The following POT1 variants were observed in gnomAD, a reference collection of about 807,000 sequenced individuals.
POT1 encodes the protein protection of telomeres protein 1.
In POT1, 47 loss-of-function variants were observed where a neutral mutation model predicts 78.5. The observed-to-expected ratio is 0.60, with a 90% CI of 0.47 to 0.76. The LOEUF (loss-of-function observed/expected upper bound fraction) is 0.76, where lower values mean the gene tolerates loss of function less well. Ranked by LOEUF, POT1 falls within the 30% of genes least tolerant of loss-of-function variation. The probability of loss-of-function intolerance (pLI) is 0.00; values close to 1 mark genes in which losing one functional copy is unlikely to be tolerated. For synonymous variants in POT1, 259 were observed against 260.7 expected (o/e 0.99, Z 0.06); for missense variants, 646 against 749.9 (o/e 0.86, Z 1.62).
chr7:124,852,838 T>C lies in POT1; in HGVS notation c.869+134A>G, dbSNP rs1246185941. 1.8e-5 allele frequency: 13 copies of C among 722,128 alleles called. No homozygotes were observed. In the East Asian group the frequency reaches 3.3e-4, roughly 19 times the overall value. 44.7% of individuals were successfully genotyped at this position (722,128 alleles called of 1,614,324 possible). The stretch of plus-strand genomic sequence containing the variant: ...CCTATAATCATTTGATTTGTTTCAT[T>C]TGGCTCATCTATTTAAAAACATGGC... On this transcript the variant is annotated intron_variant, in intron 10 of 18. Coordinates refer to ENST00000357628, the MANE Select transcript of POT1 (RefSeq NM_015450.3).
intron 6 of POT1, among the ~76,000 whole-genome samples, chr7:124,884,271 T>A (rs935456363): frequency 6.6e-6 from 1 of 152,042 alleles, no homozygotes; most frequent in African/African-American, 2.4e-5. Flanking sequence ...TATCCTAGCA[T>A]CCTATCCCAA....
At position 124,825,460 on chromosome 7, in the gene POT1, A is replaced by G. The variant is rs561784983; in HGVS notation, c.1687-103T>C. 7.7e-6 allele frequency: 5 copies of G among 651,286 alleles called. No individual in the cohort carries two copies. In the East Asian group the frequency reaches 1.5e-4, roughly 20 times the overall value. 40.3% of individuals were successfully genotyped at this position (651,286 alleles called of 1,614,324 possible). A position where few individuals can be genotyped will look rare whatever the true frequency, so the allele number is the denominator to read the frequency against. Reference sequence around the variant, plus strand: ...ATATTGTCCAATTAAAAGATAATCTAGACAGTTTCCCTCTATCAAGATTGT... The same window carrying G: ...ATATTGTCCAATTAAAAGATAATCTGGACAGTTTCCCTCTATCAAGATTGT... On this transcript the variant is annotated intron_variant, in intron 17 of 18. Coordinates refer to ENST00000357628, the MANE Select transcript of POT1 (RefSeq NM_015450.3).
At chr7:124,853,172 G>C in intron 9 of POT1, 34 bp from the exon 10 acceptor site, 1 of 1,470,462 alleles carries the variant, frequency 6.8e-7, no homozygotes. Flanking sequence ...TTAGAAAGTG[G>C]GGAAAAATTA....
At chr7:124,845,011 A>T (rs1315129401) in intron 12 of POT1, among the ~76,000 whole-genome samples, 5 of 152,164 alleles carry the variant, frequency 3.3e-5, no homozygotes, top group African/African-American at 1.2e-4. Flanking sequence ...AATATTATTG[A>T]ATCATTTGAG....
intron 3 of POT1, among the ~76,000 whole-genome samples, chr7:124,914,983 G>A (rs1442765565): frequency 2.0e-5 from 3 of 151,974 alleles, no homozygotes; most frequent in African/African-American, 7.2e-5. Context: ...ACCTTAACTT[G>A]CTTTTTCTTC....
intron 13 of POT1, among the ~76,000 whole-genome samples, chr7:124,841,852 A>C (rs1795035513): frequency 6.6e-6 from 1 of 151,978 alleles, no homozygotes; most frequent in African/African-American, 2.4e-5. Flanking sequence ...AATAAACCAA[A>C]GTTTGATAAT....
chr7:124,854,179 A>G (rs189398908), intron 9 of POT1, among the ~76,000 whole-genome samples: 2 of 152,108 alleles, frequency 1.3e-5, no homozygotes, highest in African/African-American at 2.4e-5. Context: ...GAATATCTGC[A>G]TATATATAAT....
chr7:124,926,956 G>A (rs1215485938), intron 2 of POT1, among the ~76,000 whole-genome samples: 1 of 152,144 alleles, frequency 6.6e-6, no homozygotes, highest in African/African-American at 2.4e-5. Flanking sequence ...GTGGATGATG[G>A]GAGGTTGCTT....
rs79711249 is a variant in POT1 at position 124,913,349 on chromosome 7, A to G, written c.-154+2225T>C. Among the ~76,000 whole-genome samples the G allele has an allele frequency of 5.3e-3, 814 of 152,260 alleles. 5 individuals are homozygous for G. The highest frequency in any genetic ancestry group is 0.018 in the African/African-American group (762 of 41,544). On this transcript the variant is annotated intron_variant, in intron 3 of 18. Transcript: ENST00000357628. ...TTATCTTTTTGTTGTTGAATTTAAGAAGTCCTTTATATAATCCTGGATAGC... is the reference window on the plus strand; with the variant it reads ...TTATCTTTTTGTTGTTGAATTTAAGGAGTCCTTTATATAATCCTGGATAGC...
At chr7:124,920,163 T>C (rs1563023522) in intron 2 of POT1, among the ~76,000 whole-genome samples, 2 of 152,134 alleles carry the variant, frequency 1.3e-5, no homozygotes, top group Non-Finnish European at 2.9e-5. Flanking sequence ...AGTTGCATTA[T>C]TCACCATCAC....
intron 6 of POT1, among the ~76,000 whole-genome samples, chr7:124,885,174 G>A (rs184957226): frequency 6.3e-4 from 96 of 151,370 alleles, no homozygotes; most frequent in African/African-American, 2.2e-3. Context: ...ACCAATTTTG[G>A]GCTTGGTATG....
chr7:124,913,008 C>T (rs1359198277), intron 3 of POT1, among the ~76,000 whole-genome samples: 1 of 152,128 alleles, frequency 6.6e-6, no homozygotes, highest in African/African-American at 2.4e-5. Context: ...AGGCGGAAGG[C>T]AAGGAAGAGC....
intron 3 of POT1, among the ~76,000 whole-genome samples, chr7:124,905,437 G>A (rs1016761675): frequency 6.6e-6 from 1 of 151,990 alleles, no homozygotes; most frequent in Admixed American, 6.6e-5. Flanking sequence ...TGTGTAGAAA[G>A]CAGAAACTGG....
At chr7:124,893,764 T>C (rs560625221) in intron 5 of POT1, among the ~76,000 whole-genome samples, 1 of 151,676 alleles carries the variant, frequency 6.6e-6, no homozygotes, top group African/African-American at 2.4e-5. Flanking sequence ...TTCATCCAAC[T>C]AATGACTTAC....
intron 11 of POT1, among the ~76,000 whole-genome samples, chr7:124,850,097 T>C (rs1795267265): frequency 6.6e-6 from 1 of 152,108 alleles, no homozygotes; most frequent in Admixed American, 6.5e-5. Flanking sequence ...AAGTATAAAG[T>C]ATAATTACAA....
At chr7:124,915,848 G>T (rs1395969664) in intron 2 of POT1, among the ~76,000 whole-genome samples, 2 of 151,982 alleles carry the variant, frequency 1.3e-5, no homozygotes, top group African/African-American at 2.4e-5. Context: ...ATACTTCAAG[G>T]TTTATAATAT....
intron 16 of POT1, chr7:124,828,932 C>T (rs779637175): frequency 3.4e-6 from 2 of 590,908 alleles, no homozygotes; most frequent in African/African-American, 1.8e-5. Flanking sequence ...CTGAATTGGC[C>T]AAACAACATC....
intron 3 of POT1, among the ~76,000 whole-genome samples, chr7:124,913,952 G>T (rs1796952396): frequency 6.6e-6 from 1 of 151,944 alleles, no homozygotes; most frequent in African/African-American, 2.4e-5. Flanking sequence ...TGGCTAACAT[G>T]GTGAAACCCC....
intron 6 of POT1, among the ~76,000 whole-genome samples, chr7:124,891,290 T>C (rs1796365370): frequency 6.6e-6 from 1 of 151,750 alleles, no homozygotes; most frequent in Non-Finnish European, 1.5e-5. Flanking sequence ...GTGACAGTTT[T>C]TGACTTAAAG....
Sources: allele counts gnomAD v4.1 joint callset (sites outside exome capture counted in the v4.1 genomes callset), GRCh38; gene constraint gnomAD v4.1.1; transcripts MANE v1.5; gene names NCBI Gene and HGNC (gene_info 2026-07-23, HGNC 2026-07-21).